Variants in ERG observed in about 807,000 individuals in gnomAD.
ERG encodes the protein ETS transcription factor ERG.
In ERG, 9 loss-of-function variants were observed where a neutral mutation model predicts 55.3. The ratio of observed to expected loss-of-function variants is 0.16; its 90% confidence interval spans 0.10 to 0.28. The LOEUF (loss-of-function observed/expected upper bound fraction) is 0.28, where lower values mean the gene tolerates loss of function less well. Among genes scored for constraint, ERG ranks in the 10% least tolerant of loss-of-function variants. The probability of loss-of-function intolerance (pLI) is 1.00; values close to 1 mark genes in which losing one functional copy is unlikely to be tolerated. For synonymous variants in ERG, 223 were observed against 237.3 expected (o/e 0.94, Z 0.55); for missense variants, 434 against 631.6 (o/e 0.69, Z 3.35).
intron 2 of ERG, among the ~76,000 whole-genome samples, chr21:38,426,935 A>AC (rs951786310): frequency 6.6e-6 from 1 of 151,610 alleles, no homozygotes; most frequent in Non-Finnish European, 1.5e-5. Context: ...CATGTCAAAA[A>AC]AAAAAAGAAT....
At chr21:38,487,120 CTTTT>C (rs5843910) in intron 1 of ERG, among the ~76,000 whole-genome samples, 2 of 127,590 alleles carry the variant, frequency 1.6e-5, no homozygotes, top group Non-Finnish European at 3.2e-5. Context: ...CCTCACTCCT[CTTTT>C]TTTTTTTTTT....
intron 1 of ERG, among the ~76,000 whole-genome samples, chr21:38,614,650 G>A (rs976516306): frequency 6.6e-6 from 1 of 152,234 alleles, no homozygotes; most frequent in Admixed American, 6.5e-5. Context: ...CTGGGTTGGG[G>A]ACGAACGGCT....
chr21:38,497,920 G>A (rs2059393195), intron 1 of ERG, among the ~76,000 whole-genome samples: 2 of 152,170 alleles, frequency 1.3e-5, no homozygotes, highest in African/African-American at 4.8e-5. Flanking sequence ...CACTGGGACT[G>A]CCTGGCATCC....
chr21:38,455,469 G>A (rs1333049688), intron 1 of ERG, among the ~76,000 whole-genome samples: 1 of 152,100 alleles, frequency 6.6e-6, no homozygotes, highest in Non-Finnish European at 1.5e-5. Context: ...CAGGGAAGGG[G>A]TGGTGCACCA....
chr21:38,401,932 G>A (rs1310582765), intron 5 of ERG, among the ~76,000 whole-genome samples: 1 of 152,186 alleles, frequency 6.6e-6, no homozygotes, highest in Non-Finnish European at 1.5e-5. Context: ...TAGAGGCAAC[G>A]GTTAGAGATA....
chr21:38,422,556 T>C (rs947100503), intron 3 of ERG, among the ~76,000 whole-genome samples: 1 of 152,246 alleles, frequency 6.6e-6, no homozygotes, highest in Non-Finnish European at 1.5e-5. Flanking sequence ...TCCTGTAGGG[T>C]AAAGGTTCAC....
chr21:38,429,349 C>T (rs1023996543), intron 2 of ERG, among the ~76,000 whole-genome samples: 2 of 150,336 alleles, frequency 1.3e-5, no homozygotes, highest in African/African-American at 2.4e-5. Flanking sequence ...CATATGCACA[C>T]ATATACATAT....
downstream of ERG, among the ~76,000 whole-genome samples, chr21:38,375,255 T>A (rs1251284462): frequency 1.3e-5 from 2 of 152,234 alleles, no homozygotes; most frequent in Non-Finnish European, 2.9e-5. Flanking sequence ...GCCACTGTGC[T>A]GTTTTACCTC....
intron 1 of ERG, among the ~76,000 whole-genome samples, chr21:38,629,402 T>A (rs1395640858): frequency 6.6e-6 from 1 of 152,216 alleles, no homozygotes; most frequent in African/African-American, 2.4e-5. Context: ...CCATTTTAGT[T>A]GCAAGTGACA....
rs1376632333 is a variant in ERG, at chr21:38,382,569, T to C, written c.*834A>G. 9.4e-7 allele frequency: 1 copy of C among 1,065,968 alleles called. No homozygotes were observed. Among genetic ancestry groups the C allele is most frequent in the African/African-American group, 1.6e-5 (1 of 61,102 alleles). The allele number at this position is 1,065,968 out of a possible 1,614,324, so 66.0% of individuals were successfully genotyped here. On this transcript the variant is annotated 3_prime_UTR_variant, in exon 10 of 10. Transcript: ENST00000288319. ...ACACTGGGTTTGGTATAACACTGACTGCATGAACCCTCGAGTCTCCATAAC... is the reference window on the plus strand; with the variant it reads ...ACACTGGGTTTGGTATAACACTGACCGCATGAACCCTCGAGTCTCCATAAC...
chr21:38,643,417 C>T (rs186315889), intron 1 of ERG, among the ~76,000 whole-genome samples: 137 of 152,260 alleles, frequency 9.0e-4, no homozygotes, highest in Admixed American at 1.5e-3. Flanking sequence ...CACACAGGCC[C>T]GAGGCTGCAG....
intron 2 of ERG, among the ~76,000 whole-genome samples, chr21:38,550,735 G>A (rs963218355): frequency 1.3e-5 from 2 of 152,192 alleles, no homozygotes; most frequent in Non-Finnish European, 2.9e-5. Flanking sequence ...GTATGAGCAG[G>A]TGGCTTTGAG....
intron 3 of ERG, among the ~76,000 whole-genome samples, chr21:38,405,403 C>T (rs1235381222): frequency 2.6e-5 from 4 of 152,146 alleles, no homozygotes; most frequent in African/African-American, 7.2e-5. Flanking sequence ...TCCATGCATA[C>T]GCGTGAATGA....
chr21:38,506,063 T>C (rs2059458441), intron 2 of ERG, among the ~76,000 whole-genome samples: 1 of 151,828 alleles, frequency 6.6e-6, no homozygotes, highest in Non-Finnish European at 1.5e-5. Flanking sequence ...TTATAGAACA[T>C]AAAGAAATAC....
At chr21:38,414,974 T>A (rs1989214463) in intron 3 of ERG, among the ~76,000 whole-genome samples, 1 of 152,224 alleles carries the variant, frequency 6.6e-6, no homozygotes, top group Non-Finnish European at 1.5e-5. Context: ...CACAGTAGAT[T>A]ATTTTACAAA....
chr21:38,488,242 T>C (rs2059304760), intron 1 of ERG, among the ~76,000 whole-genome samples: 1 of 152,122 alleles, frequency 6.6e-6, no homozygotes, highest in Non-Finnish European at 1.5e-5. Flanking sequence ...CAACATGAGG[T>C]GACCCAGCAA....
At chr21:38,588,356 G>A (rs2060079679), upstream of ERG, among the ~76,000 whole-genome samples, 2 of 152,154 alleles carry the variant, frequency 1.3e-5, no homozygotes, top group Non-Finnish European at 2.9e-5. Flanking sequence ...CCCCTGGCCA[G>A]TGGGACAAAC....
intron 2 of ERG, among the ~76,000 whole-genome samples, chr21:38,514,525 T>G (rs1037695963): frequency 6.6e-6 from 1 of 151,924 alleles, no homozygotes; most frequent in African/African-American, 2.4e-5. Context: ...AGAAAAGCAC[T>G]TAATAACATT....
chr21:38,384,172 T>C (rs541435532), intron 9 of ERG, among the ~76,000 whole-genome samples: 1 of 152,160 alleles, frequency 6.6e-6, no homozygotes, highest in South Asian at 2.1e-4. Context: ...CACAGCTGGG[T>C]GGACTGAACG....
Sources: allele counts gnomAD v4.1 joint callset (sites outside exome capture counted in the v4.1 genomes callset), GRCh38; gene constraint gnomAD v4.1.1; transcripts MANE v1.5; gene names NCBI Gene and HGNC (gene_info 2026-07-23, HGNC 2026-07-21).